The following ITGBL1 variants were observed in gnomAD, a reference collection of about 807,000 sequenced individuals.
ITGBL1 encodes the protein integrin beta-like protein 1.
Under a neutral mutation model 68.5 loss-of-function variants are expected in ITGBL1, and 51 were observed. The ratio of observed to expected loss-of-function variants is 0.74; its 90% confidence interval spans 0.59 to 0.94. The LOEUF (loss-of-function observed/expected upper bound fraction) is 0.94. Ranked by LOEUF, ITGBL1 falls within the 40% of genes least tolerant of loss-of-function variation. The probability of loss-of-function intolerance (pLI) is 0.00; values close to 1 mark genes in which losing one functional copy is unlikely to be tolerated. For missense variants in ITGBL1, 649 were observed against 647.4 expected, an observed-to-expected ratio of 1.00 and a Z score of -0.03; for synonymous variants, 209 against 227.3, an observed-to-expected ratio of 0.92 and a Z score of 0.72.
intron 2 of ITGBL1, among the ~76,000 whole-genome samples, chr13:101,534,187 A>T (rs762580142): frequency 2.6e-4 from 40 of 152,198 alleles, no homozygotes; most frequent in Non-Finnish European, 5.3e-4. Flanking sequence ...GGGAGTAATG[A>T]CAGCAAAAGT....
intron 7 of ITGBL1, among the ~76,000 whole-genome samples, chr13:101,677,961 T>C (rs1158000254): frequency 1.3e-5 from 2 of 152,244 alleles, no homozygotes; most frequent in African/African-American, 2.4e-5. Context: ...AATGTGTGAG[T>C]AGGTGTATAC....
At chr13:101,505,390 T>C (rs376211016) in intron 2 of ITGBL1, among the ~76,000 whole-genome samples, 1 of 152,144 alleles carries the variant, frequency 6.6e-6, no homozygotes, top group African/African-American at 2.4e-5. Flanking sequence ...TAGCAGAAGA[T>C]GTAAATAAAT....
chr13:101,496,277 A>C (rs1223524316), intron 2 of ITGBL1, among the ~76,000 whole-genome samples: 1 of 152,164 alleles, frequency 6.6e-6, no homozygotes, highest in Non-Finnish European at 1.5e-5. Flanking sequence ...CTGGGCATAT[A>C]GTTGGGAGAC....
At chr13:101,583,563 T>C (rs1408691552) in intron 6 of ITGBL1, among the ~76,000 whole-genome samples, 1 of 152,150 alleles carries the variant, frequency 6.6e-6, no homozygotes, top group Non-Finnish European at 1.5e-5. Context: ...GATAAATGCT[T>C]GGAGGGGATG....
intron 2 of ITGBL1, chr13:101,490,117 G>T (rs1259568885): frequency 1.5e-6 from 1 of 689,540 alleles, no homozygotes; most frequent in Non-Finnish European, 2.4e-6. Flanking sequence ...TTGGAGGTGG[G>T]GCCTTTTGGA....
intron 7 of ITGBL1, among the ~76,000 whole-genome samples, chr13:101,664,222 A>G (rs1441443625): frequency 1.3e-5 from 2 of 152,152 alleles, no homozygotes; most frequent in African/African-American, 4.8e-5. Flanking sequence ...AATTATTAGG[A>G]GAAGGAGAAT....
chr13:101,453,939 G>T lies in ITGBL1; in HGVS notation c.155G>T (p.Arg52Leu). Residue 52 changes from arginine to leucine, a missense_variant, in exon 2 of 11, where the codon CGC becomes CTC. By Grantham distance (102) the Arg-to-Leu change is moderately radical (BLOSUM62 -2). Transcript: ENST00000376180. Reference protein sequence around the residue: ...LSRAESERRCRAPGQPPGAAL... With the variant: ...LSRAESERRCLAPGQPPGAAL... ...CGGGCCGAGTCGGAGCGACGCTGCC[G>T]CGCACCTGGGCAGCCCCCGGGGGCC... 7.0e-7 allele frequency: 1 copy of T among 1,421,054 alleles called. No individual in the cohort carries two copies. Among genetic ancestry groups the T allele is most frequent in the Non-Finnish European group, 9.3e-7 (1 of 1,080,892 alleles). 88.0% of individuals were successfully genotyped at this position (1,421,054 alleles called of 1,614,324 possible).
chr13:101,720,801 T>TTTTG (rs1442345978), downstream of ITGBL1: 2 of 152,090 alleles, frequency 1.3e-5, no homozygotes, highest in Admixed American at 6.6e-5. Flanking sequence ...AAAGGAATCA[T>TTTTG]TTTGTTTGTT....
chr13:101,598,510 G>C (rs2030135815), intron 7 of ITGBL1, among the ~76,000 whole-genome samples: 1 of 151,736 alleles, frequency 6.6e-6, no homozygotes, highest in Admixed American at 6.6e-5. Flanking sequence ...ATGTATACAT[G>C]TGCCATGATG....
rs986858188 is a variant in ITGBL1 at position 101,472,871 on chromosome 13, A to G, written c.316+18771A>G. ...TATTTATCCATATCAAATGAACACA[A>G]TCTTTAAGAATTAAAACTCTAAAAA... On this transcript the variant is annotated intron_variant, in intron 2 of 10. Coordinates refer to ENST00000376180, the MANE Select transcript of ITGBL1 (RefSeq NM_004791.3). 1.1e-3 allele frequency among the ~76,000 whole-genome samples: 174 copies of G among 152,272 alleles called. 1 individual carries two copies. The highest frequency in any genetic ancestry group is 4.0e-3 in the African/African-American group (165 of 41,556).
rs1404053167 is a variant in ITGBL1 at position 101,698,934 on chromosome 13, A to G, written c.1132+6233A>G. On this transcript the variant is annotated intron_variant, in intron 8 of 10. Coordinates refer to ENST00000376180, the MANE Select transcript of ITGBL1 (RefSeq NM_004791.3). ...ACCCATGAGTCCAATTTAAAAAACA[A>G]GAAGGGATAATGAAGAGCCACCTCT... 2.0e-5 allele frequency among the ~76,000 whole-genome samples: 3 copies of G among 152,296 alleles called. No homozygotes were observed. The East Asian group carries it at 5.8e-4, about 29-fold the overall frequency.
chr13:101,715,798 C>A lies in ITGBL1; in HGVS notation c.*144C>A. ...CTATTTCTGAATTACGAATGAAATC[C>A]GAGTACCTATTAGAAATGAGTTATG... On this transcript the variant is annotated 3_prime_UTR_variant, in exon 11 of 11. Transcript: ENST00000376180. 1 of 536,120 alleles carries A rather than the reference C, an allele frequency of 1.9e-6. No homozygotes were observed. The allele number at this position is 536,120 out of a possible 1,614,324, so 33.2% of individuals were successfully genotyped here. A position where few individuals can be genotyped will look rare whatever the true frequency, so the allele number is the denominator to read the frequency against.
intron 7 of ITGBL1, among the ~76,000 whole-genome samples, chr13:101,600,166 T>G (rs1401421004): frequency 6.6e-6 from 1 of 152,196 alleles, no homozygotes; most frequent in Non-Finnish European, 1.5e-5. Context: ...CCTTGTAAGT[T>G]GGATTGCTAG....
At chr13:101,609,712 TA>T (rs1374333720) in intron 7 of ITGBL1, among the ~76,000 whole-genome samples, 1 of 152,126 alleles carries the variant, frequency 6.6e-6, no homozygotes, top group Non-Finnish European at 1.5e-5. Context: ...TGTTTATTTT[TA>T]AGAGATGGTA....
intron 2 of ITGBL1, among the ~76,000 whole-genome samples, chr13:101,456,829 C>T (rs541060018): frequency 6.6e-6 from 1 of 152,198 alleles, no homozygotes; most frequent in Non-Finnish European, 1.5e-5. Context: ...GCAGGAGAAT[C>T]GCTTGAACCC....
At chr13:101,682,464 A>C (rs2139530295) in intron 7 of ITGBL1, among the ~76,000 whole-genome samples, 1 of 152,256 alleles carries the variant, frequency 6.6e-6, no homozygotes, top group South Asian at 2.1e-4. Flanking sequence ...AGTAAAATTT[A>C]GTAACAAAGA....
At chr13:101,522,092 ATTC>A (rs1401416709) in intron 2 of ITGBL1, among the ~76,000 whole-genome samples, 1 of 152,014 alleles carries the variant, frequency 6.6e-6, no homozygotes, top group African/African-American at 2.4e-5. Flanking sequence ...GTGTCTTCCT[ATTC>A]TTATAAAAAC....
chr13:101,653,244 G>A (rs1367002634), intron 7 of ITGBL1, among the ~76,000 whole-genome samples: 1 of 151,658 alleles, frequency 6.6e-6, no homozygotes, highest in African/African-American at 2.4e-5. Flanking sequence ...TTGTGCCATT[G>A]ACTAACTGAG....
chr13:101,602,271 T>G (rs1233778191), intron 7 of ITGBL1, among the ~76,000 whole-genome samples: 3 of 152,080 alleles, frequency 2.0e-5, no homozygotes, highest in African/African-American at 7.2e-5. Flanking sequence ...GAATAAGCTT[T>G]TGTCATTTGA....
Sources: allele counts gnomAD v4.1 joint callset (sites outside exome capture counted in the v4.1 genomes callset), GRCh38; gene constraint gnomAD v4.1.1; transcripts MANE v1.5; gene names NCBI Gene and HGNC (gene_info 2026-07-23, HGNC 2026-07-21).